The following DPYD variants were observed in gnomAD, a reference collection of about 807,000 sequenced individuals.
DPYD encodes the protein dihydropyrimidine dehydrogenase.
Under a neutral mutation model 116.2 loss-of-function variants are expected in DPYD, and 109 were observed. The ratio of observed to expected loss-of-function variants is 0.94; its 90% CI spans 0.80 to 1.10. DPYD has a LOEUF of 1.10. DPYD is among the 50% of genes least tolerant of loss of function. The pLI is 0.00. For synonymous variants in DPYD, 440 were observed against 432.0 expected (o/e 1.02, Z -0.23); for missense variants, 1,302 against 1,254.5 (o/e 1.04, Z -0.57).
intron 20 of DPYD, among the ~76,000 whole-genome samples, chr1:97,161,897 G>A (rs1655932111): frequency 1.3e-5 from 2 of 151,878 alleles, no homozygotes; most frequent in Non-Finnish European, 2.9e-5. Flanking sequence ...CAAAGGACAT[G>A]AACTCACCAT....
chr1:97,669,176 A>G (rs1445873414), intron 8 of DPYD, among the ~76,000 whole-genome samples: 2 of 152,212 alleles, frequency 1.3e-5, no homozygotes, highest in Admixed American at 6.6e-5. Flanking sequence ...TAATCAGAAG[A>G]TGACAACACA....
chr1:97,206,761 G>C (rs6681394), intron 19 of DPYD, among the ~76,000 whole-genome samples: 6 of 146,670 alleles, frequency 4.1e-5, no homozygotes, highest in African/African-American at 1.5e-4. Flanking sequence ...TTATATGTAT[G>C]TGTGTATATG....
At chr1:97,188,551 T>C (rs553481703) in intron 20 of DPYD, among the ~76,000 whole-genome samples, 2 of 152,256 alleles carry the variant, frequency 1.3e-5, no homozygotes, top group African/African-American at 4.8e-5. Context: ...CAAGAAGATA[T>C]ACAATTAAAG....
At chr1:97,793,063 T>C (rs747062086) in intron 3 of DPYD, among the ~76,000 whole-genome samples, 2 of 152,218 alleles carry the variant, frequency 1.3e-5, no homozygotes. Flanking sequence ...AGCACATTTA[T>C]ATAAGATGTT....
intron 16 of DPYD, among the ~76,000 whole-genome samples, chr1:97,307,269 C>A (rs1204228244): frequency 1.3e-5 from 2 of 151,656 alleles, no homozygotes; most frequent in Non-Finnish European, 2.9e-5. Context: ...ATTATCTTAG[C>A]AAGTTAAAAT....
intron 14 of DPYD, among the ~76,000 whole-genome samples, chr1:97,406,080 T>C (rs75526225): frequency 0.039 from 5,864 of 152,068 alleles, 805 homozygotes; most frequent in East Asian, 0.37. Flanking sequence ...CCTCCAGAAA[T>C]TCATCAATTA....
intron 13 of DPYD, among the ~76,000 whole-genome samples, chr1:97,461,650 T>C (rs1677040499): frequency 6.6e-6 from 1 of 152,330 alleles, no homozygotes; most frequent in South Asian, 2.1e-4. Context: ...TAAGCAGCTA[T>C]GCGATATAAT....
chr1:97,678,115 C>T (rs1468479190), intron 8 of DPYD, among the ~76,000 whole-genome samples: 7 of 152,122 alleles, frequency 4.6e-5, no homozygotes, highest in Non-Finnish European at 7.4e-5. Flanking sequence ...AGGATGGTAT[C>T]AGGATGAAAC....
intron 20 of DPYD, among the ~76,000 whole-genome samples, chr1:97,165,551 CAA>C (rs1318341882): frequency 6.6e-6 from 1 of 151,590 alleles, no homozygotes; most frequent in Non-Finnish European, 1.5e-5. Context: ...GCAATTGCAA[CAA>C]AAGCAAGAAC....
At chr1:97,583,863 G>A (rs139026904) in intron 10 of DPYD, among the ~76,000 whole-genome samples, 19 of 151,966 alleles carry the variant, frequency 1.3e-4, no homozygotes, top group South Asian at 2.1e-4. Context: ...GAATAGTGCC[G>A]CAATAAACAT....
chr1:97,787,566 A>G (rs1571356914), intron 3 of DPYD, among the ~76,000 whole-genome samples: 1 of 152,342 alleles, frequency 6.6e-6, no homozygotes, highest in Non-Finnish European at 1.5e-5. Flanking sequence ...CTTGGCAAAG[A>G]CTGCAAGTCT....
chr1:97,208,875 T>G, intron 19 of DPYD, among the ~76,000 whole-genome samples: 1 of 152,146 alleles, frequency 6.6e-6, no homozygotes, highest in East Asian at 1.9e-4. Context: ...GGTATAGGTG[T>G]GACACAATGC....
intron 20 of DPYD, among the ~76,000 whole-genome samples, chr1:97,131,752 G>A (rs957867099): frequency 1.3e-5 from 2 of 152,138 alleles, no homozygotes; most frequent in African/African-American, 4.8e-5. Flanking sequence ...TCCGAAGAAT[G>A]AAGAGTGCAA....
intron 20 of DPYD, among the ~76,000 whole-genome samples, chr1:97,142,501 T>C (rs1049479090): frequency 1.3e-5 from 2 of 152,080 alleles, no homozygotes; most frequent in African/African-American, 2.4e-5. Context: ...AACAAAAGAT[T>C]CCAGAGATGT....
At chr1:97,377,018 A>G (rs1671675231) in intron 15 of DPYD, among the ~76,000 whole-genome samples, 1 of 151,448 alleles carries the variant, frequency 6.6e-6, no homozygotes, top group South Asian at 2.1e-4. Flanking sequence ...AAAAAAAGAA[A>G]AAAAAAAGGA....
intron 1 of DPYD, among the ~76,000 whole-genome samples, chr1:97,892,929 A>G (rs896852130): frequency 2.0e-5 from 3 of 151,804 alleles, no homozygotes; most frequent in African/African-American, 7.2e-5. Flanking sequence ...CTTGTTGGTT[A>G]TTTAAACTCT....
chr1:97,895,585 A>C (rs1376756256), intron 1 of DPYD, among the ~76,000 whole-genome samples: 1 of 151,768 alleles, frequency 6.6e-6, no homozygotes, highest in Non-Finnish European at 1.5e-5. Flanking sequence ...TGATATGATA[A>C]AAATGAGTTT....
intron 20 of DPYD, among the ~76,000 whole-genome samples, chr1:97,158,101 C>T (rs1289204890): frequency 6.6e-6 from 1 of 151,942 alleles, no homozygotes; most frequent in South Asian, 2.1e-4. Flanking sequence ...TAGTATTGCA[C>T]CAATTATACC....
intron 20 of DPYD, among the ~76,000 whole-genome samples, chr1:97,140,396 G>A (rs542870349): frequency 2.1e-4 from 32 of 152,190 alleles, no homozygotes; most frequent in Admixed American, 5.9e-4. Context: ...GTGAAATGCC[G>A]AAGCATAGGA....
Sources: gnomAD v4.1 joint callset for allele counts (sites outside exome capture counted in the v4.1 genomes callset) on GRCh38, gnomAD v4.1.1 for gene constraint, MANE v1.5 for transcripts, NCBI Gene and HGNC (gene_info 2026-07-23, HGNC 2026-07-21) for gene names.